STS: variants seen among roughly 807,000 people sequenced by gnomAD.
STS encodes the protein steroid sulfatase.
A neutral mutation model predicts 26.8 loss-of-function variants in STS; 7 were observed. The ratio of observed to expected loss-of-function variants is 0.26; its 90% CI spans 0.15 to 0.49. The LOEUF is 0.49. Ranked by LOEUF, STS falls within the 20% of genes least tolerant of loss-of-function variation. The pLI is 0.98. For synonymous variants in STS, 199 were observed against 189.4 expected (o/e 1.05, Z -0.42); for missense variants, 434 against 465.6 (o/e 0.93, Z 0.63).
intron 1 of STS, among the ~76,000 whole-genome samples, chrX:7,174,971 G>A (rs1259771400): frequency 5.4e-5 from 6 of 110,729 alleles, no homozygotes; most frequent in African/African-American, 1.6e-4. Flanking sequence ...TGGCGTTGGC[G>A]TCTTCTGGAA....
At chrX:7,342,194 C>T (rs1336508354) in intron 10 of STS, among the ~76,000 whole-genome samples, 2 of 111,582 alleles carry the variant, frequency 1.8e-5, no homozygotes. Flanking sequence ...ATAGTCCCTG[C>T]CTTCAGAGAG....
At chrX:7,324,410 G>C (rs1278909170) in intron 8 of STS, among the ~76,000 whole-genome samples, 5 of 111,598 alleles carry the variant, frequency 4.5e-5, no homozygotes, top group African/African-American at 1.6e-4. Context: ...CTCTTGGTCA[G>C]TTCTCTCCCG....
chrX:7,223,109 C>T (rs945116436), intron 2 of STS, among the ~76,000 whole-genome samples: 8 of 111,872 alleles, frequency 7.2e-5, no homozygotes, highest in Admixed American at 1.9e-4. Context: ...AAGTATTCCA[C>T]GGAATATATA....
At chrX:7,249,016 G>T (rs184845317) in intron 2 of STS, among the ~76,000 whole-genome samples, 3 of 111,064 alleles carry the variant, frequency 2.7e-5, no homozygotes, top group East Asian at 2.8e-4. Context: ...TTCTATCCAA[G>T]ATACAGACAT....
At position 7,207,565 on chromosome X, in the gene STS, T is replaced by C. The variant is rs765567215; in HGVS notation, c.-5+16557T>C. On this transcript the variant is annotated intron_variant, in intron 2 of 10. Transcript: ENST00000674429. ...TTTTCTAAATGATGTCATAAAAGGG[T>C]CTTTTAGGTAATGATGAAATAACCA... is the stretch of plus-strand genomic sequence containing the variant. 2.7e-5 allele frequency among the ~76,000 whole-genome samples: 3 copies of C among 111,649 alleles called. No homozygotes were observed. The East Asian group carries it at 8.4e-4, about 31-fold the overall frequency.
chrX:7,217,132 C>T (rs1358023662), intron 2 of STS, among the ~76,000 whole-genome samples: 1 of 111,097 alleles, frequency 9.0e-6, no homozygotes, highest in Non-Finnish European at 1.9e-5. Context: ...TCCTAACCGA[C>T]CTAGCAGGAT....
intron 1 of STS, among the ~76,000 whole-genome samples, chrX:7,158,500 C>T (rs1291893824): frequency 8.9e-6 from 1 of 111,745 alleles, no homozygotes; most frequent in Non-Finnish European, 1.9e-5. Context: ...TGCCCTTCAG[C>T]TTTGCCTGAA....
At chrX:7,321,401 C>G (rs1927024986) in intron 8 of STS, among the ~76,000 whole-genome samples, 1 of 111,770 alleles carries the variant, frequency 8.9e-6, no homozygotes, top group African/African-American at 3.3e-5. Context: ...ATATAACAAA[C>G]CTGCACATGT....
intron 2 of STS, among the ~76,000 whole-genome samples, chrX:7,196,612 T>C (rs1420833549): frequency 8.9e-6 from 1 of 112,020 alleles, no homozygotes; most frequent in Non-Finnish European, 1.9e-5. Context: ...CCACTACAAC[T>C]ATCAGTGACC....
chrX:7,157,630 C>T lies in STS; in HGVS notation c.-134+9547C>T, dbSNP rs960014976. Reference sequence around the variant, plus strand: ...TCTCAAAATTGCCAAAAAGGATCATCCATTTCTTTTGGCCAGGCACCATGC... The same window carrying T: ...TCTCAAAATTGCCAAAAAGGATCATTCATTTCTTTTGGCCAGGCACCATGC... On this transcript the variant is annotated intron_variant, in intron 1 of 10. Coordinates refer to ENST00000674429, the MANE Select transcript of STS (RefSeq NM_001320752.2). Among the ~76,000 whole-genome samples the T allele has an allele frequency of 4.5e-5, 5 of 111,605 alleles. No individual in the cohort carries two copies. In the Admixed American group the frequency reaches 4.8e-4, roughly 11 times the overall value.
At chrX:7,184,815 A>G (rs1933744118) in intron 1 of STS, among the ~76,000 whole-genome samples, 1 of 112,320 alleles carries the variant, frequency 8.9e-6, no homozygotes, top group African/African-American at 3.2e-5. Flanking sequence ...GGAAGACCAC[A>G]AGTGGTATAA....
chrX:7,312,661 C>A (rs939496578), intron 8 of STS, among the ~76,000 whole-genome samples: 1 of 111,064 alleles, frequency 9.0e-6, no homozygotes, highest in Non-Finnish European at 1.9e-5. Context: ...GGGCAGTTCC[C>A]CTTCACACAC....
chrX:7,292,073 G>C (rs1204789974), intron 7 of STS, among the ~76,000 whole-genome samples: 1 of 112,538 alleles, frequency 8.9e-6, no homozygotes, highest in Non-Finnish European at 1.9e-5. Context: ...CGCTGACTTT[G>C]AGAAAAACGA....
intron 9 of STS, among the ~76,000 whole-genome samples, chrX:7,328,293 A>C (rs575395882): frequency 2.3e-4 from 26 of 111,988 alleles, no homozygotes; most frequent in African/African-American, 7.8e-4. Context: ...AAGCAAGGTA[A>C]GGAAAAAGTT....
chrX:7,224,573 A>G (rs2147053063), intron 2 of STS, among the ~76,000 whole-genome samples: 1 of 111,718 alleles, frequency 9.0e-6, no homozygotes. Context: ...CTTCCACCAT[A>G]TGAGAACATG....
At chrX:7,263,119 G>T (rs918191311) in intron 6 of STS, among the ~76,000 whole-genome samples, 4 of 111,355 alleles carry the variant, frequency 3.6e-5, no homozygotes, top group Non-Finnish European at 7.5e-5. Context: ...CCCAGGCTGG[G>T]GTGCAGTGGT....
At chrX:7,333,839 T>C (rs1927876837) in intron 9 of STS, 147 bp from the exon 10 acceptor site, 2 of 694,747 alleles carry the variant, frequency 2.9e-6, no homozygotes, top group South Asian at 4.7e-5. Context: ...AGAGCTGGGA[T>C]CAGTGTGTTG....
At chrX:7,247,374 A>G (rs1282461871) in intron 2 of STS, among the ~76,000 whole-genome samples, 1 of 111,610 alleles carries the variant, frequency 9.0e-6, no homozygotes, top group Non-Finnish European at 1.9e-5. Context: ...TAGTAGTGTC[A>G]TGTGTGAAGG....
chrX:7,210,546 C>A (rs1326117772), intron 2 of STS, among the ~76,000 whole-genome samples: 1 of 104,888 alleles, frequency 9.5e-6, no homozygotes, highest in South Asian at 3.9e-4. Context: ...ATAATAAACA[C>A]TTAATACATA....
Sources: gnomAD v4.1 joint callset for allele counts (sites outside exome capture counted in the v4.1 genomes callset) on GRCh38, gnomAD v4.1.1 for gene constraint, MANE v1.5 for transcripts, NCBI Gene and HGNC (gene_info 2026-07-23, HGNC 2026-07-21) for gene names.